The following CDKAL1 variants were observed in gnomAD, a reference collection of about 807,000 sequenced individuals.
CDKAL1 encodes the protein threonylcarbamoyladenosine tRNA methylthiotransferase.
A neutral mutation model predicts 68.2 loss-of-function variants in CDKAL1; 32 were observed. The ratio of observed to expected loss-of-function variants is 0.47; its 90% CI spans 0.35 to 0.63. The LOEUF is 0.63. Ranked by LOEUF, CDKAL1 falls within the 30% of genes least tolerant of loss-of-function variation. The probability of loss-of-function intolerance (pLI) is 0.00; values close to 1 mark genes in which losing one functional copy is unlikely to be tolerated. For synonymous variants in CDKAL1, 234 were observed against 244.3 expected (o/e 0.96, Z 0.39); for missense variants, 606 against 696.7 (o/e 0.87, Z 1.47).
At chr6:21,049,509 TA>T (rs1308341844) in intron 11 of CDKAL1, among the ~76,000 whole-genome samples, 25 of 152,190 alleles carry the variant, frequency 1.6e-4, no homozygotes, top group Non-Finnish European at 3.4e-4. Flanking sequence ...CTGTGAAATT[TA>T]ATATGGTTTC....
intron 5 of CDKAL1, among the ~76,000 whole-genome samples, chr6:20,706,969 G>T (rs529585349): frequency 3.9e-5 from 6 of 152,108 alleles, no homozygotes; most frequent in African/African-American, 1.4e-4. Context: ...AGGGTGGGTG[G>T]GGTTTGGTGA....
chr6:20,882,829 T>A (rs1760890509), intron 9 of CDKAL1, among the ~76,000 whole-genome samples: 1 of 152,248 alleles, frequency 6.6e-6, no homozygotes. Flanking sequence ...ATGTAGTCTT[T>A]ACTTATTGTG....
chr6:20,946,321 C>T (rs930821117), intron 9 of CDKAL1, among the ~76,000 whole-genome samples: 2 of 152,192 alleles, frequency 1.3e-5, no homozygotes, highest in African/African-American at 4.8e-5. Flanking sequence ...ATTCCCTCTG[C>T]TTCAAGGGCT....
intron 13 of CDKAL1, among the ~76,000 whole-genome samples, chr6:21,126,927 G>T (rs1268582927): frequency 6.6e-6 from 1 of 152,146 alleles, no homozygotes; most frequent in Admixed American, 6.5e-5. Context: ...GGCAGTCTTT[G>T]ATATATTGAC....
intron 9 of CDKAL1, among the ~76,000 whole-genome samples, chr6:20,865,631 TA>T (rs5874790): frequency 9.3e-5 from 14 of 150,668 alleles, no homozygotes; most frequent in African/African-American, 2.2e-4. Context: ...GCTGAAATTG[TA>T]AAAAAAAAAA....
intron 6 of CDKAL1, among the ~76,000 whole-genome samples, chr6:20,750,335 T>C (rs1299068704): frequency 6.6e-6 from 1 of 152,192 alleles, no homozygotes; most frequent in Non-Finnish European, 1.5e-5. Context: ...CCTCCCAAAG[T>C]AGGGACATTG....
intron 9 of CDKAL1, among the ~76,000 whole-genome samples, chr6:20,849,490 G>A (rs1288377472): frequency 6.6e-6 from 1 of 151,012 alleles, no homozygotes; most frequent in African/African-American, 2.4e-5. Context: ...GGCGGAGGCA[G>A]GAGAATGGCG....
chr6:20,864,933 A>T (rs1759822278), intron 9 of CDKAL1, among the ~76,000 whole-genome samples: 1 of 152,154 alleles, frequency 6.6e-6, no homozygotes, highest in East Asian at 1.9e-4. Context: ...CTTATTTATA[A>T]TGATTGTTTT....
chr6:20,627,210 C>T (rs4515379), intron 4 of CDKAL1, among the ~76,000 whole-genome samples: 2 of 151,842 alleles, frequency 1.3e-5, no homozygotes, highest in South Asian at 2.1e-4. Flanking sequence ...GCTTGTTGTC[C>T]TCTGGTGACC....
chr6:20,989,099 A>G (rs569126255), intron 10 of CDKAL1, among the ~76,000 whole-genome samples: 1 of 152,270 alleles, frequency 6.6e-6, no homozygotes, highest in Non-Finnish European at 1.5e-5. Context: ...AAGCCAGAAT[A>G]CTTACTGGCA....
intron 11 of CDKAL1, among the ~76,000 whole-genome samples, chr6:21,023,034 G>A (rs982753822): frequency 6.6e-6 from 1 of 151,964 alleles, no homozygotes; most frequent in Non-Finnish European, 1.5e-5. Flanking sequence ...GTGATCTAAA[G>A]TTGAAGGCAT....
In CDKAL1 at chr6:21,138,231, G is replaced by GTGTGTA. The variant is rs1275154581; in HGVS notation, c.1299+29773_1299+29774insATGTGT. Among the ~76,000 whole-genome samples the GTGTGTA allele has an allele frequency of 1.1e-3, 49 of 42,760 alleles. No individual in the cohort carries two copies. In the East Asian group the frequency reaches 0.027, roughly 23 times the overall value. The allele number at this position is 42,760 out of a possible 152,430, so 28.1% of individuals were successfully genotyped here. On this transcript the variant is annotated intron_variant, in intron 13 of 15. Coordinates refer to ENST00000274695, the MANE Select transcript of CDKAL1 (RefSeq NM_017774.3). ...AACCCACATTTGTGTGTGTGTATGT[G>GTGTGTA]TGTGTCTGTGTGTGTGTGTGTGTGT...
At chr6:21,149,765 C>T (rs1776324397) in intron 13 of CDKAL1, among the ~76,000 whole-genome samples, 1 of 152,190 alleles carries the variant, frequency 6.6e-6, no homozygotes, top group Non-Finnish European at 1.5e-5. Flanking sequence ...TAAGGTGACT[C>T]ATTAAGTGAG....
At chr6:20,966,693 T>C (rs1765332545) in intron 10 of CDKAL1, among the ~76,000 whole-genome samples, 1 of 152,326 alleles carries the variant, frequency 6.6e-6, no homozygotes, top group East Asian at 1.9e-4. Context: ...AGTCTGTTTC[T>C]AATATATGGT....
intron 15 of CDKAL1, among the ~76,000 whole-genome samples, chr6:21,210,786 G>A: frequency 6.6e-6 from 1 of 152,280 alleles, no homozygotes; most frequent in Non-Finnish European, 1.5e-5. Flanking sequence ...AAACAGGAAG[G>A]AATGTATGAA....
chr6:20,536,761 G>A (rs2143407), intron 2 of CDKAL1, among the ~76,000 whole-genome samples: 45,157 of 152,050 alleles, frequency 0.3, 6,879 homozygotes, highest in Middle Eastern at 0.36. Context: ...GGCCAAGATG[G>A]GAGGAGTTTG....
intron 5 of CDKAL1, among the ~76,000 whole-genome samples, chr6:20,694,068 G>A (rs1015453492): frequency 6.0e-5 from 9 of 149,436 alleles, no homozygotes; most frequent in Non-Finnish European, 1.0e-4. Context: ...GTGTATGTGT[G>A]TGTGTGTGTG....
chr6:20,940,307 G>T (rs1396547027), intron 9 of CDKAL1, among the ~76,000 whole-genome samples: 3 of 152,080 alleles, frequency 2.0e-5, no homozygotes, highest in African/African-American at 7.2e-5. Context: ...TTAATTAGGA[G>T]AAAGTATAAT....
intron 12 of CDKAL1, among the ~76,000 whole-genome samples, chr6:21,086,105 T>G (rs1223225888): frequency 6.6e-6 from 1 of 152,228 alleles, no homozygotes; most frequent in Non-Finnish European, 1.5e-5. Context: ...TTGTTTCATT[T>G]AATCTTCATG....
Sources: gnomAD v4.1 joint callset for allele counts (sites outside exome capture counted in the v4.1 genomes callset) on GRCh38, gnomAD v4.1.1 for gene constraint, MANE v1.5 for transcripts, NCBI Gene and HGNC (gene_info 2026-07-23, HGNC 2026-07-21) for gene names.